Variants in TATDN1 observed in about 807,000 individuals in gnomAD.
TATDN1 encodes TatD DNase domain containing 1, also known as deoxyribonuclease TATDN1.
A neutral mutation model predicts 46.4 loss-of-function variants in TATDN1; 40 were observed. The ratio of observed to expected loss-of-function variants is 0.86; its 90% CI spans 0.67 to 1.12. The LOEUF is 1.12. Ranked by LOEUF, TATDN1 falls within the 50% of genes most tolerant of loss-of-function variation. The pLI is 0.00. For missense variants in TATDN1, 326 were observed against 348.4 expected (o/e 0.94, Z 0.51); for synonymous variants, 95 against 105.6 (o/e 0.90, Z 0.62).
intron 3 of TATDN1, chr8:124,521,876 A>G (rs1820075810): frequency 3.5e-6 from 1 of 282,506 alleles, no homozygotes; most frequent in Non-Finnish European, 6.5e-6. Context: ...GTTGCCTCTT[A>G]AGCCTGGTAA....
chr8:124,513,828 GA>G (rs1222247546), intron 6 of TATDN1, among the ~76,000 whole-genome samples: 1 of 152,168 alleles, frequency 6.6e-6, no homozygotes, highest in African/African-American at 2.4e-5. Flanking sequence ...ACCAAAACCA[GA>G]CATGAAAGTT....
chr8:124,513,567 T>A (rs960876202), intron 6 of TATDN1, among the ~76,000 whole-genome samples: 34 of 152,250 alleles, frequency 2.2e-4, no homozygotes, highest in African/African-American at 7.7e-4. Context: ...AAGCACAAGC[T>A]GTGATATGCA....
Position 124,490,275 on chromosome 8 carries a change from A to AGGCT in TATDN1, c.792-1583_792-1580dup, listed in dbSNP as rs1215367902. On this transcript the variant is annotated intron_variant, in intron 11 of 11. Coordinates refer to ENST00000276692, the MANE Select transcript of TATDN1 (RefSeq NM_032026.4). ...ATGCCTGTAATCACAGCACTTTGGG[A>AGGCT]GGCTGAGGCAGGCAGATTGAACTCA... The AGGCT allele has an allele frequency of 3.3e-5, 5 of 152,276 alleles. No homozygotes were observed. In the South Asian group the frequency reaches 1.0e-3, roughly 32 times the overall value. 9.4% of individuals were successfully genotyped at this position (152,276 alleles called of 1,614,324 possible). A position where few individuals can be genotyped will look rare whatever the true frequency, so the allele number is the denominator to read the frequency against.
At chr8:124,505,785 T>C (rs1818357184) in intron 8 of TATDN1, among the ~76,000 whole-genome samples, 1 of 151,978 alleles carries the variant, frequency 6.6e-6, no homozygotes, top group South Asian at 2.1e-4. Context: ...ATGGATAACA[T>C]ATTTCTCAAC....
intron 1 of TATDN1, among the ~76,000 whole-genome samples, chr8:124,535,944 A>G (rs945382108): frequency 6.6e-6 from 1 of 152,212 alleles, no homozygotes; most frequent in Non-Finnish European, 1.5e-5. Flanking sequence ...GAAGTGACCC[A>G]AACACCTCCC....
chr8:124,531,219 GA>G (rs11295782), intron 1 of TATDN1, among the ~76,000 whole-genome samples: 9,876 of 152,118 alleles, frequency 0.065, 1,086 homozygotes, highest in African/African-American at 0.22. Flanking sequence ...TTTGGCAGGA[GA>G]AAATATTTCC....
At chr8:124,507,686 A>C (rs1818604067) in intron 8 of TATDN1, among the ~76,000 whole-genome samples, 1 of 150,714 alleles carries the variant, frequency 6.6e-6, no homozygotes, top group Non-Finnish European at 1.5e-5. Flanking sequence ...TGGGAGGCTG[A>C]GGATGGCTTG....
intron 2 of TATDN1, 36 bp downstream of exon 2, chr8:124,522,901 T>C (rs756149118): frequency 3.9e-5 from 61 of 1,575,228 alleles, no homozygotes; most frequent in Non-Finnish European, 5.2e-5. Flanking sequence ...TTTGTCTTCA[T>C]AGGAAACTAT....
chr8:124,488,582 G>C lies in TATDN1; in HGVS notation c.*12C>G. ...TTTACATACATGATGGAAAGTGGAA[G>C]ACATATACCAATTATATTCCAGGAA... On this transcript the variant is annotated 3_prime_UTR_variant, in exon 12 of 12. Coordinates refer to ENST00000276692, the MANE Select transcript of TATDN1 (RefSeq NM_032026.4). 7.7e-7 allele frequency: 1 copy of C among 1,302,714 alleles called. No individual in the cohort carries two copies. Among genetic ancestry groups the C allele is most frequent in the South Asian group, 1.3e-5 (1 of 77,258 alleles). The allele number at this position is 1,302,714 out of a possible 1,614,324, so 80.7% of individuals were successfully genotyped here.
intron 1 of TATDN1, among the ~76,000 whole-genome samples, chr8:124,530,699 G>A (rs1416554032): frequency 2.0e-5 from 3 of 152,208 alleles, no homozygotes; most frequent in African/African-American, 7.2e-5. Flanking sequence ...AAGACAAGAA[G>A]AGGAAGCACA....
intron 4 of TATDN1, among the ~76,000 whole-genome samples, chr8:124,517,647 T>C (rs1819602688): frequency 6.6e-6 from 1 of 152,210 alleles, no homozygotes; most frequent in Non-Finnish European, 1.5e-5. Context: ...GAATGCCAGA[T>C]AAATGAGGTT....
intron 1 of TATDN1, among the ~76,000 whole-genome samples, chr8:124,532,734 A>C (rs187512335): frequency 6.6e-6 from 1 of 152,210 alleles, no homozygotes; most frequent in East Asian, 1.9e-4. Flanking sequence ...GGCCCAAGTG[A>C]GGGGATGCTA....
chr8:124,512,889 T>G (rs564664229), intron 6 of TATDN1, among the ~76,000 whole-genome samples: 1 of 152,204 alleles, frequency 6.6e-6, no homozygotes, highest in African/African-American at 2.4e-5. Flanking sequence ...TCCTTAACAA[T>G]AATCAAAATG....
At chr8:124,496,383 T>C (rs2131356827) in intron 9 of TATDN1, among the ~76,000 whole-genome samples, 1 of 152,300 alleles carries the variant, frequency 6.6e-6, no homozygotes, top group Non-Finnish European at 1.5e-5. Flanking sequence ...AGGGTTCACT[T>C]GGTTTCATGT....
intron 1 of TATDN1, among the ~76,000 whole-genome samples, chr8:124,531,723 T>C (rs750433886): frequency 2.6e-5 from 4 of 152,112 alleles, no homozygotes; most frequent in South Asian, 2.1e-4. Context: ...GGAGAGGAAA[T>C]TGTCCTGGAG....
intron 8 of TATDN1, among the ~76,000 whole-genome samples, chr8:124,507,160 CAA>C (rs79163747): frequency 3.0e-5 from 4 of 132,042 alleles, no homozygotes; most frequent in Admixed American, 1.5e-4. Flanking sequence ...GACTCCATCT[CAA>C]AAAAAAAAAA....
chr8:124,508,404 C>CT lies in TATDN1; in HGVS notation c.516+69dup, dbSNP rs765389504. 7.2e-4 allele frequency: 969 copies of CT among 1,346,356 alleles called. 2 individuals carry two copies. Among genetic ancestry groups the CT allele is most frequent in the Non-Finnish European group, 9.4e-4 (897 of 956,332 alleles). 83.4% of individuals were successfully genotyped at this position (1,346,356 alleles called of 1,614,324 possible). A position where few individuals can be genotyped will look rare whatever the true frequency, so the allele number is the denominator to read the frequency against. On this transcript the variant is annotated intron_variant, in intron 8 of 11. Coordinates refer to ENST00000276692, the MANE Select transcript of TATDN1 (RefSeq NM_032026.4). Reference sequence around the variant, plus strand: ...GGTTCAGATTTTGGAGCATTTTGTACTTGGGAGTATTTTGGATTTTTGGAT... The same window carrying CT: ...GGTTCAGATTTTGGAGCATTTTGTACTTTGGGAGTATTTTGGATTTTTGGAT...
At chr8:124,510,618 G>A (rs1818923316) in intron 6 of TATDN1, among the ~76,000 whole-genome samples, 1 of 151,992 alleles carries the variant, frequency 6.6e-6, no homozygotes, top group South Asian at 2.1e-4. Context: ...GAGCTCAGGA[G>A]TTCGAGACCA....
At chr8:124,526,745 C>T (rs1474792988) in intron 1 of TATDN1, 1 of 152,178 alleles carries the variant, frequency 6.6e-6, no homozygotes, top group Non-Finnish European at 1.5e-5. Context: ...TGTTTGTAAC[C>T]AGGAGAAAAC....
Sources: gnomAD v4.1 joint callset for allele counts (sites outside exome capture counted in the v4.1 genomes callset) on GRCh38, gnomAD v4.1.1 for gene constraint, MANE v1.5 for transcripts, NCBI Gene and HGNC (gene_info 2026-07-23, HGNC 2026-07-21) for gene names.